Variants in AFAP1L1 observed in about 807,000 individuals in gnomAD.
The protein encoded by AFAP1L1 is actin filament associated protein 1 like 1.
A neutral mutation model predicts 99.8 loss-of-function variants in AFAP1L1; 77 were observed. That is an observed-to-expected ratio of 0.77 (90% CI 0.64 to 0.93). AFAP1L1 has a LOEUF of 0.93. Among genes scored for constraint, AFAP1L1 ranks in the 40% least tolerant of loss-of-function variants. The pLI is 0.00. For synonymous variants in AFAP1L1, 373 were observed against 395.3 expected (o/e 0.94, Z 0.67); for missense variants, 893 against 996.8 (o/e 0.90, Z 1.40).
intron 15 of AFAP1L1, among the ~76,000 whole-genome samples, chr5:149,323,262 C>A (rs1757005152): frequency 6.6e-6 from 1 of 152,182 alleles, no homozygotes; most frequent in Non-Finnish European, 1.5e-5. Flanking sequence ...ATCCAAATAC[C>A]CTGGAGCCAG....
At chr5:149,280,620 A>C (rs1457009179) in intron 1 of AFAP1L1, among the ~76,000 whole-genome samples, 1 of 152,204 alleles carries the variant, frequency 6.6e-6, no homozygotes, top group Non-Finnish European at 1.5e-5. Flanking sequence ...TTTCAACTGA[A>C]TGAGACTCTA....
chr5:149,336,149 G>A (rs1410110025), intron 18 of AFAP1L1, among the ~76,000 whole-genome samples: 1 of 152,092 alleles, frequency 6.6e-6, no homozygotes, highest in African/African-American at 2.4e-5. Flanking sequence ...GACTCTTGGG[G>A]GTCAGCTGTG....
At chr5:149,290,784 G>A (rs1408668771) in intron 1 of AFAP1L1, among the ~76,000 whole-genome samples, 1 of 151,776 alleles carries the variant, frequency 6.6e-6, no homozygotes, top group Non-Finnish European at 1.5e-5. Context: ...GGCCAGACAT[G>A]GTTTTAAAAT....
chr5:149,278,506 G>A (rs910163911), intron 1 of AFAP1L1, among the ~76,000 whole-genome samples: 13 of 152,140 alleles, frequency 8.5e-5, no homozygotes, highest in Admixed American at 3.9e-4. Flanking sequence ...TTTGGGGGTC[G>A]AATAAGTCTA....
chr5:149,289,412 C>T (rs1755784536), intron 1 of AFAP1L1, among the ~76,000 whole-genome samples: 1 of 152,012 alleles, frequency 6.6e-6, no homozygotes, highest in African/African-American at 2.4e-5. Context: ...ATATTTAACT[C>T]TTGGAAAGTA....
At chr5:149,276,389 C>A (rs754516423) in intron 1 of AFAP1L1, among the ~76,000 whole-genome samples, 1 of 152,194 alleles carries the variant, frequency 6.6e-6, no homozygotes, top group African/African-American at 2.4e-5. Flanking sequence ...ATCATAATGG[C>A]AATCCTTCCA....
At chr5:149,272,103 C>CG (rs1755132513) in intron 1 of AFAP1L1, 119 bp downstream of exon 1, 1 of 1,023,672 alleles carries the variant, frequency 9.8e-7, no homozygotes, top group South Asian at 5.0e-5. Flanking sequence ...GGCTGAGGAA[C>CG]GCTCGGAGGG....
chr5:149,304,477 T>TG (rs913684419), intron 5 of AFAP1L1, among the ~76,000 whole-genome samples: 13 of 152,214 alleles, frequency 8.5e-5, no homozygotes, highest in Non-Finnish European at 1.0e-4. Context: ...ATTGGCTATA[T>TG]GGGGTTCCTT....
intron 18 of AFAP1L1, 54 bp from the exon 19 acceptor site, chr5:149,339,953 A>AT: frequency 6.2e-7 from 1 of 1,604,978 alleles, no homozygotes; most frequent in South Asian, 1.1e-5. Flanking sequence ...CTCTTTATCC[A>AT]TGTCACACTA....
intron 11 of AFAP1L1, 128 bp from the exon 12 acceptor site, chr5:149,317,601 A>C: frequency 1.1e-6 from 1 of 874,976 alleles, no homozygotes; most frequent in Non-Finnish European, 1.8e-6. Context: ...GGTCACCCTG[A>C]GGTCACAGGG....
intron 18 of AFAP1L1, among the ~76,000 whole-genome samples, chr5:149,339,588 T>C (rs1258737929): frequency 6.6e-6 from 1 of 152,128 alleles, no homozygotes; most frequent in African/African-American, 2.4e-5. Context: ...TTCCAAACAT[T>C]TAGAAATAGG....
intron 1 of AFAP1L1, among the ~76,000 whole-genome samples, chr5:149,277,010 C>A (rs976098568): frequency 6.6e-6 from 1 of 152,186 alleles, no homozygotes; most frequent in Admixed American, 6.5e-5. Context: ...CACAGTTTTG[C>A]TTTTGTGAAC....
chr5:149,291,076 C>T (rs1009687577), intron 1 of AFAP1L1, among the ~76,000 whole-genome samples: 1 of 152,138 alleles, frequency 6.6e-6, no homozygotes, highest in African/African-American at 2.4e-5. Context: ...GTGAAGAGAA[C>T]AAGGAAGGTA....
intron 2 of AFAP1L1, among the ~76,000 whole-genome samples, chr5:149,300,023 A>T (rs751365458): frequency 6.6e-6 from 1 of 152,158 alleles, no homozygotes; most frequent in Non-Finnish European, 1.5e-5. Flanking sequence ...ACACCCTAGC[A>T]TACGCCTGAC....
At chr5:149,338,075 A>G (rs1419788735) in intron 18 of AFAP1L1, among the ~76,000 whole-genome samples, 1 of 152,222 alleles carries the variant, frequency 6.6e-6, no homozygotes, top group Admixed American at 6.5e-5. Flanking sequence ...ATTAGAATAC[A>G]TTTAAAGGAC....
chr5:149,341,390 G>C lies in AFAP1L1; in HGVS notation c.*1360G>C, dbSNP rs1015932545. On this transcript the variant is annotated 3_prime_UTR_variant, in exon 19 of 19. Coordinates refer to ENST00000296721, the MANE Select transcript of AFAP1L1 (RefSeq NM_152406.4). ...CTTAGGGGTTATAAGCCCAGATCCA[G>C]ATAGGGCTAGGTTTGAGCCATGCCT... The C allele has an allele frequency of 6.6e-6, 1 of 152,312 alleles. No individual in the cohort carries two copies. The highest frequency in any genetic ancestry group is 2.1e-4 in the South Asian group (1 of 4,822). 9.4% of individuals were successfully genotyped at this position (152,312 alleles called of 1,614,324 possible).
rs137925989 is a variant in AFAP1L1 at position 149,317,768 on chromosome 5, G to A, written c.1307G>A (p.Arg436His). Residue 436 changes from arginine to histidine, a missense_variant, in exon 12 of 19, where the codon CGC becomes CAC. Physicochemically the swap from Arg to His is conservative, Grantham distance 29 (BLOSUM62 0). Transcript: ENST00000296721. The stretch of plus-strand genomic sequence containing the variant: ...CTGGTGAACCAGGGCTGGAAGGAAC[G>A]CTGGTGCCGCCTGAAGTGCAACACT... Reference protein sequence around the residue: ...NVLVNQGWKERWCRLKCNTLY... With the variant: ...NVLVNQGWKEHWCRLKCNTLY... 40 of 1,613,968 alleles carry A rather than the reference G, an allele frequency of 2.5e-5. No homozygotes were observed. In the African/African-American group the frequency reaches 2.5e-4, roughly 10 times the overall value.
At chr5:149,300,106 G>A (rs1756148448) in intron 2 of AFAP1L1, among the ~76,000 whole-genome samples, 165 bp from the exon 3 acceptor site, 1 of 152,200 alleles carries the variant, frequency 6.6e-6, no homozygotes, top group African/African-American at 2.4e-5. Flanking sequence ...CTCAATAACA[G>A]TGTAAAAACT....
chr5:149,310,260 T>TAGCCACGCAGAGGGCA, intron 8 of AFAP1L1, 125 bp downstream of exon 8: 3 of 1,225,638 alleles, frequency 2.4e-6, no homozygotes, highest in Non-Finnish European at 3.3e-6. Context: ...CCAAGTGCCC[T>TAGCCACGCAGAGGGCA]CTGCGTGGCT....
Sources: allele counts gnomAD v4.1 joint callset (sites outside exome capture counted in the v4.1 genomes callset), GRCh38; gene constraint gnomAD v4.1.1; transcripts MANE v1.5; gene names NCBI Gene and HGNC (gene_info 2026-07-23, HGNC 2026-07-21).